CNTN5: variants seen among roughly 807,000 people sequenced by gnomAD.
The protein encoded by CNTN5 is contactin-5.
Under a neutral mutation model 129.1 loss-of-function variants are expected in CNTN5, and 77 were observed. The observed-to-expected ratio is 0.60, with a 90% confidence interval of 0.50 to 0.72. The LOEUF is 0.72. Among genes scored for constraint, CNTN5 ranks in the 30% least tolerant of loss-of-function variants. CNTN5 has a pLI of 0.00. For synonymous variants in CNTN5, 509 were observed against 465.6 expected (o/e 1.09, Z -1.20); for missense variants, 1,478 against 1,328.8 (o/e 1.11, Z -1.75).
intron 16 of CNTN5, among the ~76,000 whole-genome samples, chr11:100,248,081 TG>T (rs1416241148): frequency 6.6e-6 from 1 of 152,172 alleles, no homozygotes; most frequent in Admixed American, 6.5e-5. Context: ...TGCATGTGTT[TG>T]GAAGTGTCTG....
chr11:99,049,845 A>G (rs1225094194), intron 1 of CNTN5: 1 of 152,166 alleles, frequency 6.6e-6, no homozygotes, highest in African/African-American at 2.4e-5. Flanking sequence ...TGAAAATCAA[A>G]TATTTTATAT....
At chr11:100,344,936 TA>T (rs1233346520) in intron 23 of CNTN5, among the ~76,000 whole-genome samples, 10 of 152,046 alleles carry the variant, frequency 6.6e-5, no homozygotes, top group South Asian at 4.2e-4. Context: ...AAGAACACTA[TA>T]AAAAATATAT....
intron 3 of CNTN5, among the ~76,000 whole-genome samples, chr11:99,800,942 T>G (rs900905372): frequency 3.3e-5 from 5 of 152,168 alleles, no homozygotes; most frequent in Admixed American, 2.0e-4. Context: ...AATATTGATA[T>G]GTGAAGTTTT....
chr11:99,556,414 C>G, intron 3 of CNTN5, 145 bp downstream of exon 3: 1 of 469,128 alleles, frequency 2.1e-6, no homozygotes, highest in Non-Finnish European at 3.8e-6. Context: ...AAGGCAGCAA[C>G]CCTTAAGCCG....
chr11:99,234,825 A>G (rs1349091676), intron 1 of CNTN5, among the ~76,000 whole-genome samples: 2 of 152,208 alleles, frequency 1.3e-5, no homozygotes, highest in Non-Finnish European at 2.9e-5. Context: ...GACTCAACTG[A>G]CACAGATATC....
intron 3 of CNTN5, among the ~76,000 whole-genome samples, chr11:99,723,372 C>G (rs896864502): frequency 6.6e-6 from 1 of 152,094 alleles, no homozygotes; most frequent in East Asian, 1.9e-4. Context: ...TTTAGTGTTT[C>G]TAGGCAAGCA....
At chr11:99,480,614 C>T (rs748162679) in intron 2 of CNTN5, among the ~76,000 whole-genome samples, 1 of 152,156 alleles carries the variant, frequency 6.6e-6, no homozygotes, top group Non-Finnish European at 1.5e-5. Context: ...GTTTATTCTA[C>T]AATCTTTGCT....
intron 1 of CNTN5, among the ~76,000 whole-genome samples, chr11:99,156,330 C>CAATTAAA (rs2135501556): frequency 6.6e-6 from 1 of 152,024 alleles, no homozygotes; most frequent in Admixed American, 6.5e-5. Context: ...CAGAAAACAT[C>CAATTAAA]AATTAAAACA....
chr11:99,096,665 T>A (rs1193702788), intron 1 of CNTN5, among the ~76,000 whole-genome samples: 2 of 152,016 alleles, frequency 1.3e-5, no homozygotes, highest in Non-Finnish European at 2.9e-5. Flanking sequence ...TTTTATTTTA[T>A]TTTTTATATC....
chr11:99,248,478 T>A (rs1303993167), intron 1 of CNTN5, among the ~76,000 whole-genome samples: 1 of 152,114 alleles, frequency 6.6e-6, no homozygotes, highest in Non-Finnish European at 1.5e-5. Context: ...TAGATCCCAT[T>A]TGTCAATTTT....
At chr11:99,582,392 G>T (rs1018212964) in intron 3 of CNTN5, among the ~76,000 whole-genome samples, 1 of 152,166 alleles carries the variant, frequency 6.6e-6, no homozygotes, top group African/African-American at 2.4e-5. Context: ...GGTTGGAGAA[G>T]TTCTCCTGGA....
At chr11:100,081,043 C>T (rs1258736968) in intron 13 of CNTN5, among the ~76,000 whole-genome samples, 3 of 152,036 alleles carry the variant, frequency 2.0e-5, no homozygotes, top group Non-Finnish European at 4.4e-5. Flanking sequence ...GCCTTACATT[C>T]ATTATGATGA....
At chr11:100,307,052 G>T (rs555237165) in intron 20 of CNTN5, among the ~76,000 whole-genome samples, 10 of 151,728 alleles carry the variant, frequency 6.6e-5, no homozygotes, top group African/African-American at 2.4e-4. Flanking sequence ...GGCTCCTTTT[G>T]CAGTAACAGG....
intron 24 of CNTN5, among the ~76,000 whole-genome samples, chr11:100,355,473 T>G (rs1011269303): frequency 6.6e-6 from 1 of 151,816 alleles, no homozygotes; most frequent in African/African-American, 2.4e-5. Flanking sequence ...AAATAATTAC[T>G]AAAAGAATAG....
At chr11:99,137,577 AT>A (rs961356006) in intron 1 of CNTN5, among the ~76,000 whole-genome samples, 8 of 152,110 alleles carry the variant, frequency 5.3e-5, no homozygotes, top group Non-Finnish European at 1.2e-4. Context: ...ATTAAAGTGA[AT>A]TTTTTTGCCT....
intron 2 of CNTN5, among the ~76,000 whole-genome samples, chr11:99,360,494 C>A (rs1939031857): frequency 6.6e-6 from 1 of 152,118 alleles, no homozygotes. Context: ...ACTCTCTGCA[C>A]CAGTGGAGAT....
chr11:100,159,288 C>A (rs1211273817), intron 13 of CNTN5, among the ~76,000 whole-genome samples: 1 of 151,772 alleles, frequency 6.6e-6, no homozygotes, highest in Non-Finnish European at 1.5e-5. Context: ...TGCCAATGTT[C>A]TAGCTCCTCA....
In CNTN5 at chr11:99,105,623, C is replaced by A. The variant is rs181430731; in HGVS notation, c.-210+84353C>A. On this transcript the variant is annotated intron_variant, in intron 1 of 24. Coordinates refer to ENST00000524871, the MANE Select transcript of CNTN5 (RefSeq NM_014361.4). ...TTCTAAATTTCAAACATGACAAAGA[C>A]AAGAGCATCATTTTGCTGTCGTTTT... Among the ~76,000 whole-genome samples the A allele has an allele frequency of 1.2e-3, 189 of 152,144 alleles. 1 individual carries two copies. Among genetic ancestry groups the A allele is most frequent in the African/African-American group, 4.3e-3 (178 of 41,520 alleles).
chr11:99,606,752 A>T (rs1211398682), intron 3 of CNTN5, among the ~76,000 whole-genome samples: 1 of 144,378 alleles, frequency 6.9e-6, no homozygotes, highest in Non-Finnish European at 1.5e-5. Context: ...AAACAGAGAT[A>T]TAGATCAATG....
Sources: gnomAD v4.1 joint callset for allele counts (sites outside exome capture counted in the v4.1 genomes callset) on GRCh38, gnomAD v4.1.1 for gene constraint, MANE v1.5 for transcripts, NCBI Gene and HGNC (gene_info 2026-07-23, HGNC 2026-07-21) for gene names.